The following PDLIM5 variants were observed in gnomAD, a reference collection of about 807,000 sequenced individuals.
The protein encoded by PDLIM5 is PDZ and LIM domain 5.
In PDLIM5, 34 loss-of-function variants were observed where a neutral mutation model predicts 64.2. The observed-to-expected ratio is 0.53, with a 90% CI of 0.40 to 0.71. The LOEUF is 0.71. PDLIM5 is among the 30% of genes least tolerant of loss of function. The pLI is 0.00. For missense variants in PDLIM5, 683 were observed against 733.6 expected (o/e 0.93, Z 0.80); for synonymous variants, 253 against 269.1 (o/e 0.94, Z 0.59).
At chr4:94,593,937 T>A (rs1030635222) in intron 7 of PDLIM5, among the ~76,000 whole-genome samples, 1 of 152,200 alleles carries the variant, frequency 6.6e-6, no homozygotes. Flanking sequence ...GTTCTTTGAA[T>A]GTGAGAATTT....
intron 3 of PDLIM5, among the ~76,000 whole-genome samples, chr4:94,558,413 A>T (rs376587560): frequency 7.9e-5 from 12 of 152,298 alleles, no homozygotes; most frequent in African/African-American, 2.2e-4. Flanking sequence ...AGGCATAGAT[A>T]AAAAAGGCTA....
intron 3 of PDLIM5, among the ~76,000 whole-genome samples, chr4:94,564,661 T>G: frequency 7.2e-6 from 1 of 139,780 alleles, no homozygotes; most frequent in East Asian, 2.0e-4. Context: ...TGTCTCTTTT[T>G]TTTTTTTTTT....
chr4:94,584,509 A>G (rs1263468286), intron 5 of PDLIM5: 1 of 153,188 alleles, frequency 6.5e-6, no homozygotes, highest in Non-Finnish European at 1.5e-5. Flanking sequence ...CTTAGAGCCA[A>G]GCTTTAAATT....
At chr4:94,563,778 T>A (rs1450939710) in intron 3 of PDLIM5, among the ~76,000 whole-genome samples, 2 of 152,148 alleles carry the variant, frequency 1.3e-5, no homozygotes, top group Non-Finnish European at 2.9e-5. Context: ...TTTCTATTTG[T>A]GTTTTGTTCA....
chr4:94,634,831 G>A (rs1055622756), intron 8 of PDLIM5, among the ~76,000 whole-genome samples: 3 of 152,072 alleles, frequency 2.0e-5, no homozygotes, highest in South Asian at 2.1e-4. Flanking sequence ...ACGTACTACC[G>A]GGAACTTGAT....
At chr4:94,616,076 A>G (rs2110390454) in intron 7 of PDLIM5, among the ~76,000 whole-genome samples, 1 of 152,224 alleles carries the variant, frequency 6.6e-6, no homozygotes, top group East Asian at 1.9e-4. Flanking sequence ...ATGGTGATGG[A>G]TTGGGTTTTG....
At chr4:94,645,900 G>A (rs17021927) in intron 9 of PDLIM5, among the ~76,000 whole-genome samples, 6,820 of 152,188 alleles carry the variant, frequency 0.045, 283 homozygotes, top group East Asian at 0.15. Context: ...ACTTTTATTC[G>A]TAGTGTTTGA....
At chr4:94,564,839 G>A (rs1332228228) in intron 3 of PDLIM5, among the ~76,000 whole-genome samples, 1 of 151,276 alleles carries the variant, frequency 6.6e-6, no homozygotes, top group Admixed American at 6.6e-5. Flanking sequence ...TGTATTTTTA[G>A]TAGAGACGGG....
intron 10 of PDLIM5, among the ~76,000 whole-genome samples, chr4:94,654,902 A>G (rs1742096998): frequency 6.6e-6 from 1 of 152,088 alleles, no homozygotes; most frequent in African/African-American, 2.4e-5. Context: ...GGAAAAAATA[A>G]TTTACTGTGG....
Position 94,573,426 on chromosome 4 carries a change from T to C in PDLIM5, c.291+33T>C, listed in dbSNP as rs376497638. ...TTTAAGCTAGCACCCAGAGTATCAC[T>C]TGATTGTCCTTGCTGAGCTACTGTA... is the stretch of plus-strand genomic sequence containing the variant. On this transcript the variant is annotated intron_variant, in intron 4 of 12. Transcript: ENST00000317968. 1.8e-4 allele frequency: 276 copies of C among 1,521,306 alleles called. 3 individuals carry two copies. In the Middle Eastern group the frequency reaches 8.7e-3, roughly 48 times the overall value. 94.2% of individuals were successfully genotyped at this position (1,521,306 alleles called of 1,614,324 possible). A position where few individuals can be genotyped will look rare whatever the true frequency, so the allele number is the denominator to read the frequency against.
intron 2 of PDLIM5, among the ~76,000 whole-genome samples, chr4:94,499,331 T>G (rs1265674988): frequency 6.6e-6 from 1 of 152,118 alleles, no homozygotes; most frequent in Non-Finnish European, 1.5e-5. Context: ...AAATGGAAAC[T>G]TTCATTTATT....
chr4:94,615,640 A>G (rs977151796), intron 7 of PDLIM5, among the ~76,000 whole-genome samples: 1 of 152,222 alleles, frequency 6.6e-6, no homozygotes, highest in Non-Finnish European at 1.5e-5. Flanking sequence ...TTTGTATGTC[A>G]TGCTGAAATA....
At chr4:94,600,712 G>A (rs12510147) in intron 7 of PDLIM5, among the ~76,000 whole-genome samples, 38,716 of 152,018 alleles carry the variant, frequency 0.25, 5,482 homozygotes, top group East Asian at 0.38. Context: ...GAAAGTGAGA[G>A]GGCCAAAGGT....
At chr4:94,622,333 A>C (rs1378133155) in intron 8 of PDLIM5, among the ~76,000 whole-genome samples, 1 of 152,194 alleles carries the variant, frequency 6.6e-6, no homozygotes, top group African/African-American at 2.4e-5. Flanking sequence ...ATACAAATGT[A>C]TGTATAAAAT....
chr4:94,649,219 G>A lies in PDLIM5; in HGVS notation c.1284-5241G>A, dbSNP rs147718504. Among the ~76,000 whole-genome samples, 1,330 of 151,954 alleles carry A rather than the reference G, an allele frequency of 8.8e-3. 19 individuals carry two copies. Among genetic ancestry groups the A allele is most frequent in the African/African-American group, 0.03 (1,234 of 41,438 alleles). On this transcript the variant is annotated intron_variant, in intron 9 of 12. Coordinates refer to ENST00000317968, the MANE Select transcript of PDLIM5 (RefSeq NM_006457.5). ...TCGAACTCCTGGCCTCAAGTGATCCGCCCGTCTCAGCCTCCCAAAGTGCTG... is the reference window on the plus strand; with the variant it reads ...TCGAACTCCTGGCCTCAAGTGATCCACCCGTCTCAGCCTCCCAAAGTGCTG...
intron 7 of PDLIM5, among the ~76,000 whole-genome samples, chr4:94,608,370 T>G (rs1322827371): frequency 1.3e-5 from 2 of 152,246 alleles, no homozygotes; most frequent in African/African-American, 4.8e-5. Context: ...TTGTTTAGTT[T>G]ATAACTTCTA....
At chr4:94,635,745 G>C (rs983738737) in intron 8 of PDLIM5, among the ~76,000 whole-genome samples, 3 of 152,330 alleles carry the variant, frequency 2.0e-5, no homozygotes, top group East Asian at 1.9e-4. Context: ...AGTGAGCAGA[G>C]ACTAGGAGGC....
rs562039916 is a variant in PDLIM5 at position 94,544,071 on chromosome 4, A to G, written c.248+20196A>G. On this transcript the variant is annotated intron_variant, in intron 3 of 12. Coordinates refer to ENST00000317968, the MANE Select transcript of PDLIM5 (RefSeq NM_006457.5). ...ACGCTAAGGGTTTCCTTTTCCTCAC[A>G]TCCTCACCAACACTTGTGATCATTT... 2.6e-5 allele frequency among the ~76,000 whole-genome samples: 4 copies of G among 152,022 alleles called. No homozygotes were observed. In the East Asian group the frequency reaches 5.8e-4, roughly 22 times the overall value.
At chr4:94,525,879 A>G (rs1158793359) in intron 3 of PDLIM5, among the ~76,000 whole-genome samples, 2 of 152,110 alleles carry the variant, frequency 1.3e-5, no homozygotes, top group African/African-American at 4.8e-5. Flanking sequence ...ATTGGTTATA[A>G]AAAAATTTGT....
Sources: allele counts gnomAD v4.1 joint callset (sites outside exome capture counted in the v4.1 genomes callset), GRCh38; gene constraint gnomAD v4.1.1; transcripts MANE v1.5; gene names NCBI Gene and HGNC (gene_info 2026-07-23, HGNC 2026-07-21).